FCHSD2: variants seen among roughly 807,000 people sequenced by gnomAD.
FCHSD2 encodes the protein F-BAR and double SH3 domains protein 2.
A neutral mutation model predicts 108.1 loss-of-function variants in FCHSD2; 38 were observed. That is an observed-to-expected ratio of 0.35 (90% confidence interval 0.27 to 0.46). The LOEUF (loss-of-function observed/expected upper bound fraction) is 0.46. Ranked by LOEUF, FCHSD2 falls within the 20% of genes least tolerant of loss-of-function variation. The pLI is 1.00. For missense variants in FCHSD2, 751 were observed against 897.8 expected, an observed-to-expected ratio of 0.84 and a Z score of 2.09; for synonymous variants, 279 against 314.7, an observed-to-expected ratio of 0.89 and a Z score of 1.20.
chr11:72,975,679 G>A (rs910794364), intron 8 of FCHSD2, among the ~76,000 whole-genome samples: 1 of 151,898 alleles, frequency 6.6e-6, no homozygotes, highest in Non-Finnish European at 1.5e-5. Context: ...GTATATTAAT[G>A]TTTTTCTCTT....
chr11:73,061,072 G>C (rs912271164), intron 3 of FCHSD2, among the ~76,000 whole-genome samples: 1 of 152,214 alleles, frequency 6.6e-6, no homozygotes, highest in Non-Finnish European at 1.5e-5. Flanking sequence ...CAAGATCCTC[G>C]CAGAAGGCAG....
At chr11:72,865,033 T>C (rs1854691694) in intron 13 of FCHSD2, among the ~76,000 whole-genome samples, 1 of 152,282 alleles carries the variant, frequency 6.6e-6, no homozygotes, top group South Asian at 2.1e-4. Flanking sequence ...CAAGTAAGTA[T>C]AGTTCCTTCC....
chr11:73,077,149 G>A (rs1262758944), intron 3 of FCHSD2, among the ~76,000 whole-genome samples: 2 of 147,760 alleles, frequency 1.4e-5, no homozygotes, highest in Admixed American at 6.8e-5. Context: ...AGTTTGTTAC[G>A]CTCATTCGTT....
intron 2 of FCHSD2, among the ~76,000 whole-genome samples, chr11:73,098,790 A>T (rs1860150097): frequency 6.6e-6 from 1 of 152,260 alleles, no homozygotes; most frequent in African/African-American, 2.4e-5. Context: ...TAAATGTAAC[A>T]GCTAAAACTA....
At chr11:72,859,218 A>G (rs778723538) in intron 13 of FCHSD2, among the ~76,000 whole-genome samples, 7 of 152,214 alleles carry the variant, frequency 4.6e-5, no homozygotes, top group Non-Finnish European at 8.8e-5. Context: ...TAAACAATTC[A>G]TAAGTTTTAA....
At chr11:72,895,701 C>T (rs147146693) in intron 10 of FCHSD2, among the ~76,000 whole-genome samples, 67 of 152,230 alleles carry the variant, frequency 4.4e-4, no homozygotes, top group Admixed American at 9.2e-4. Flanking sequence ...TTTTGTGAAA[C>T]GCTGAAGAAA....
intron 8 of FCHSD2, among the ~76,000 whole-genome samples, chr11:72,924,378 T>C (rs897996040): frequency 1.3e-5 from 2 of 151,694 alleles, no homozygotes; most frequent in African/African-American, 4.8e-5. Flanking sequence ...CCTGGGTTCA[T>C]GCCATTCTCC....
chr11:72,841,547 G>T lies in FCHSD2; in HGVS notation c.1963C>A (p.Pro655Thr). 6.2e-7 allele frequency: 1 copy of T among 1,610,822 alleles called. No individual in the cohort carries two copies. Among genetic ancestry groups the T allele is most frequent in the East Asian group, 2.2e-5 (1 of 44,824 alleles). Residue 655 changes from proline to threonine, a missense_variant, in exon 18 of 20, where the codon CCA becomes ACA. Pro to Thr is a conservative substitution (Grantham distance 38). Transcript: ENST00000409418. ...PSPKPHASLP[P>T]LPLYDQPPSS... ...GGAGGCTGGTCGTACAACGGCAGTG[G>T]AGGCAGGGAGGCGTGTGGCTTGGGG... is the stretch of plus-strand genomic sequence containing the variant.
intron 8 of FCHSD2, among the ~76,000 whole-genome samples, chr11:72,968,144 T>C (rs1856947965): frequency 6.6e-6 from 1 of 151,572 alleles, no homozygotes; most frequent in South Asian, 2.1e-4. Flanking sequence ...GCCTTTGGAA[T>C]TATCTTGAGG....
chr11:72,951,025 C>G (rs933738034), intron 8 of FCHSD2, among the ~76,000 whole-genome samples: 1 of 152,172 alleles, frequency 6.6e-6, no homozygotes, highest in Non-Finnish European at 1.5e-5. Context: ...GGCTAGAACT[C>G]AAATAAATCA....
chr11:72,880,895 A>G (rs1485385308), intron 12 of FCHSD2, among the ~76,000 whole-genome samples: 1 of 151,854 alleles, frequency 6.6e-6, no homozygotes, highest in Non-Finnish European at 1.5e-5. Context: ...AACAACAACA[A>G]CAACAACAAA....
intron 12 of FCHSD2, among the ~76,000 whole-genome samples, chr11:72,869,197 T>G (rs1396180158): frequency 6.6e-6 from 1 of 152,060 alleles, no homozygotes; most frequent in Non-Finnish European, 1.5e-5. Context: ...ATGAGCCACC[T>G]CACCCAGCCA....
intron 9 of FCHSD2, among the ~76,000 whole-genome samples, chr11:72,912,242 TC>T (rs1157861600): frequency 6.6e-6 from 1 of 152,228 alleles, no homozygotes; most frequent in Non-Finnish European, 1.5e-5. Flanking sequence ...GGAAACGCAT[TC>T]AGTTTTTCTC....
Position 72,838,616 on chromosome 11 carries a change from GC to G in FCHSD2, c.*174del, listed in dbSNP as rs1860805272. On this transcript the variant is annotated 3_prime_UTR_variant, in exon 20 of 20. Coordinates refer to ENST00000409418, the MANE Select transcript of FCHSD2 (RefSeq NM_014824.3). ...TAGAAAATGACAACAAAAAAAAAAGGCACGAAATATTCAAAACGTGGGAGGA... is the reference window on the plus strand; with the variant it reads ...TAGAAAATGACAACAAAAAAAAAAGGACGAAATATTCAAAACGTGGGAGGA... 1.7e-6 allele frequency: 1 copy of G among 596,722 alleles called. No homozygotes were observed. The highest frequency in any genetic ancestry group is 2.1e-5 in the South Asian group (1 of 48,698). 37.0% of individuals were successfully genotyped at this position (596,722 alleles called of 1,614,324 possible). A position where few individuals can be genotyped will look rare whatever the true frequency, so the allele number is the denominator to read the frequency against.
intron 10 of FCHSD2, among the ~76,000 whole-genome samples, chr11:72,901,103 C>T (rs1031520748): frequency 6.6e-6 from 1 of 152,136 alleles, no homozygotes. Context: ...AAACAATTGC[C>T]AATTGGGGCC....
intron 3 of FCHSD2, among the ~76,000 whole-genome samples, chr11:73,079,141 T>C (rs933530594): frequency 1.2e-4 from 18 of 152,204 alleles, no homozygotes; most frequent in Admixed American, 8.5e-4. Flanking sequence ...TTTCAACTTT[T>C]TAAAATGTAT....
chr11:72,989,547 G>A (rs1017730016), intron 5 of FCHSD2, among the ~76,000 whole-genome samples: 1 of 152,180 alleles, frequency 6.6e-6, no homozygotes, highest in Non-Finnish European at 1.5e-5. Flanking sequence ...AAGAGGGAGT[G>A]AAATCTGAGT....
At chr11:72,868,331 AAC>A (rs1299357377) in intron 12 of FCHSD2, among the ~76,000 whole-genome samples, 7 of 152,134 alleles carry the variant, frequency 4.6e-5, no homozygotes, top group Non-Finnish European at 7.4e-5. Context: ...GGGGGAGAAC[AAC>A]ACACACTGGG....
At chr11:72,883,976 C>A in intron 12 of FCHSD2, among the ~76,000 whole-genome samples, 1 of 150,116 alleles carries the variant, frequency 6.7e-6, no homozygotes, top group Non-Finnish European at 1.5e-5. Flanking sequence ...CATAATAATA[C>A]CCAAGAAAAA....
Sources: gnomAD v4.1 joint callset for allele counts (sites outside exome capture counted in the v4.1 genomes callset) on GRCh38, gnomAD v4.1.1 for gene constraint, MANE v1.5 for transcripts, NCBI Gene and HGNC (gene_info 2026-07-23, HGNC 2026-07-21) for gene names.